Variants in EIF4ENIF1 observed in about 807,000 individuals in gnomAD.
The protein encoded by EIF4ENIF1 is eukaryotic translation initiation factor 4E transporter.
A neutral mutation model predicts 110.5 loss-of-function variants in EIF4ENIF1; 23 were observed. The ratio of observed to expected loss-of-function variants is 0.21; its 90% CI spans 0.15 to 0.29. The LOEUF (loss-of-function observed/expected upper bound fraction) is 0.29. EIF4ENIF1 is among the 10% of genes least tolerant of loss of function. EIF4ENIF1 has a pLI of 1.00. For synonymous variants in EIF4ENIF1, 440 were observed against 437.0 expected (o/e 1.01, Z -0.09); for missense variants, 1,031 against 1,221.1 (o/e 0.84, Z 2.32).
At chr22:31,460,685 G>A (rs2050963597) in intron 6 of EIF4ENIF1, among the ~76,000 whole-genome samples, 1 of 150,736 alleles carries the variant, frequency 6.6e-6, no homozygotes, top group Non-Finnish European at 1.5e-5. Context: ...AGTGGCTCAC[G>A]CCTGTAATCC....
rs1234556618 is a variant in EIF4ENIF1, at chr22:31,439,993, T to C, written c.2845A>G (p.Ser949Gly). Residue 949 changes from serine to glycine, a missense_variant, in exon 19 of 19, where the codon AGC (serine) becomes GGC (glycine). Physicochemically the swap from Ser to Gly is moderately conservative, Grantham distance 56. Transcript: ENST00000330125. ...TTGGCAAGGCCCACAGGGGAGCTGC[T>C]CCTCTGGCTGGGGCGATGCTCCAGC... The part of the protein sequence containing the change: ...SQLEHRPSQR[S>G]SSPVGLAKWF... The C allele has an allele frequency of 1.2e-6, 2 of 1,614,024 alleles. No individual in the cohort carries two copies. Among genetic ancestry groups the C allele is most frequent in the Non-Finnish European group, 1.7e-6 (2 of 1,179,952 alleles).
At chr22:31,457,501 A>C (rs1455460997) in intron 7 of EIF4ENIF1, among the ~76,000 whole-genome samples, 1 of 152,224 alleles carries the variant, frequency 6.6e-6, no homozygotes, top group African/African-American at 2.4e-5. Context: ...CTTTCACGTC[A>C]ATCCCACTGA....
chr22:31,449,270 A>C, intron 12 of EIF4ENIF1, 78 bp downstream of exon 12: 1 of 1,487,978 alleles, frequency 6.7e-7, no homozygotes. Context: ...TCGGCCTCCC[A>C]GAGTGCTGGA....
upstream of EIF4ENIF1, among the ~76,000 whole-genome samples, chr22:31,491,163 T>C (rs1222191590): frequency 6.6e-6 from 1 of 152,184 alleles, no homozygotes; most frequent in African/African-American, 2.4e-5. Flanking sequence ...GCGAAGATGA[T>C]ATAACCTGCT....
chr22:31,467,331 G>A (rs952684005), intron 4 of EIF4ENIF1, among the ~76,000 whole-genome samples: 6 of 152,126 alleles, frequency 3.9e-5, no homozygotes, highest in African/African-American at 1.4e-4. Context: ...TTTTTATGAT[G>A]AGTCGTCCTC....
intron 1 of EIF4ENIF1, 166 bp from the exon 2 acceptor site, chr22:31,488,911 AT>A (rs1348772923): frequency 1.4e-6 from 1 of 728,128 alleles, no homozygotes; most frequent in Non-Finnish European, 2.2e-6. Flanking sequence ...AGATAGAATC[AT>A]TGGTACTCAG....
chr22:31,479,348 A>C (rs1429440588), intron 2 of EIF4ENIF1: 3 of 151,804 alleles, frequency 2.0e-5, no homozygotes, highest in Admixed American at 6.6e-5. Context: ...GGTGTGAGCC[A>C]CCATGCCTGG....
In EIF4ENIF1 at chr22:31,447,546, T is replaced by G. The variant is rs150528076; in HGVS notation, c.1868A>C (p.Gln623Pro). The G allele has an allele frequency of 6.8e-6, 11 of 1,606,288 alleles. No individual in the cohort carries two copies. Among genetic ancestry groups the G allele is most frequent in the Non-Finnish European group, 9.4e-6 (11 of 1,174,970 alleles). Residue 623 changes from glutamine (Q) to proline (P), a missense_variant, in exon 14 of 19, where the codon CAA (glutamine) becomes CCA (proline). Physicochemically the swap from Gln to Pro is moderately conservative, Grantham distance 76. Coordinates refer to ENST00000330125, the MANE Select transcript of EIF4ENIF1 (RefSeq NM_019843.4). Reference protein sequence around the residue: ...ITAQMSQLELQQAALEGLALP... With the variant: ...ITAQMSQLELPQAALEGLALP... ...GGCCAGCCCTTCTAAAGCTGCCTGTTGCAACTCCAGCTGGCTCATCTGCTG... is the reference window on the plus strand; with the variant it reads ...GGCCAGCCCTTCTAAAGCTGCCTGTGGCAACTCCAGCTGGCTCATCTGCTG...
chr22:31,444,790 C>A, intron 14 of EIF4ENIF1, 100 bp from the exon 15 acceptor site: 1 of 1,101,718 alleles, frequency 9.1e-7, no homozygotes, highest in South Asian at 1.3e-5. Flanking sequence ...TTAACATCCC[C>A]TTTCCCTTAT....
intron 15 of EIF4ENIF1, chr22:31,443,299 A>G: frequency 4.8e-6 from 3 of 627,990 alleles, no homozygotes; most frequent in Non-Finnish European, 7.7e-6. Flanking sequence ...CTTGCTTACA[A>G]CTGTGTGATA....
At chr22:31,465,850 A>T (rs2051166917) in intron 4 of EIF4ENIF1, among the ~76,000 whole-genome samples, 1 of 152,226 alleles carries the variant, frequency 6.6e-6, no homozygotes, top group Non-Finnish European at 1.5e-5. Context: ...TAAACTAGAC[A>T]CTCAACAACG....
intron 7 of EIF4ENIF1, among the ~76,000 whole-genome samples, chr22:31,457,097 C>A (rs1462590555): frequency 6.6e-6 from 1 of 152,148 alleles, no homozygotes; most frequent in African/African-American, 2.4e-5. Flanking sequence ...AAAAGCAGAG[C>A]TCATAAAGAC....
chr22:31,465,827 T>C (rs1214357445), intron 4 of EIF4ENIF1, among the ~76,000 whole-genome samples: 1 of 152,178 alleles, frequency 6.6e-6, no homozygotes, highest in Non-Finnish European at 1.5e-5. Context: ...GGAATACTAT[T>C]AAGCAATGAA....
chr22:31,465,266 T>A (rs893977692), intron 4 of EIF4ENIF1, among the ~76,000 whole-genome samples: 7 of 146,192 alleles, frequency 4.8e-5, no homozygotes, highest in Non-Finnish European at 3.0e-5. Context: ...GAGGTTGCAG[T>A]GAGCTGAGAC....
intron 4 of EIF4ENIF1, among the ~76,000 whole-genome samples, chr22:31,465,141 T>A (rs1828977049): frequency 6.6e-6 from 1 of 151,808 alleles, no homozygotes; most frequent in Non-Finnish European, 1.5e-5. Flanking sequence ...CTGACCAACA[T>A]GGTGAAACCT....
At chr22:31,493,560 C>T (rs145738733), upstream of EIF4ENIF1, among the ~76,000 whole-genome samples, 4 of 152,254 alleles carry the variant, frequency 2.6e-5, no homozygotes, top group East Asian at 3.9e-4. Context: ...CCTGACCTCA[C>T]GTGATCCCCC....
chr22:31,488,524 C>T, intron 2 of EIF4ENIF1, 99 bp downstream of exon 2: 1 of 1,521,876 alleles, frequency 6.6e-7, no homozygotes, highest in Admixed American at 1.9e-5. Context: ...TGTAGTGAGT[C>T]AGAATGAGAT....
intron 2 of EIF4ENIF1, among the ~76,000 whole-genome samples, chr22:31,478,964 A>AAC (rs1156397233): frequency 2.0e-4 from 30 of 151,724 alleles, no homozygotes; most frequent in African/African-American, 6.5e-4. Context: ...AAAAAAAAAA[A>AAC]AAAAGTTTGC....
intron 16 of EIF4ENIF1, 56 bp downstream of exon 16, chr22:31,442,906 C>T (rs535599010): frequency 6.2e-7 from 1 of 1,601,740 alleles, no homozygotes; most frequent in Non-Finnish European, 8.5e-7. Flanking sequence ...CGCTCAGGCC[C>T]ATGTTTTCTC....
Sources: gnomAD v4.1 joint callset for allele counts (sites outside exome capture counted in the v4.1 genomes callset) on GRCh38, gnomAD v4.1.1 for gene constraint, MANE v1.5 for transcripts, NCBI Gene and HGNC (gene_info 2026-07-23, HGNC 2026-07-21) for gene names.